The following PPP6R1 variants were observed in gnomAD, a reference collection of about 807,000 sequenced individuals.
PPP6R1 encodes serine/threonine-protein phosphatase 6 regulatory subunit 1.
A neutral mutation model predicts 104.6 loss-of-function variants in PPP6R1; 39 were observed. That is an observed-to-expected ratio of 0.37 (90% CI 0.29 to 0.49). The LOEUF (loss-of-function observed/expected upper bound fraction) is 0.49, where lower values mean the gene tolerates loss of function less well. Ranked by LOEUF, PPP6R1 falls within the 20% of genes least tolerant of loss-of-function variation. The pLI, the probability that PPP6R1 is intolerant of heterozygous loss-of-function variation, is 0.98. For synonymous variants in PPP6R1, 549 were observed against 479.0 expected (o/e 1.15, Z -1.91); for missense variants, 1,181 against 1,155.8 (o/e 1.02, Z -0.32).
In PPP6R1 at chr19:55,241,850, G is replaced by A. The variant is rs958781178; in HGVS notation, c.846-211C>T. Among the ~76,000 whole-genome samples the A allele has an allele frequency of 2.0e-5, 3 of 152,222 alleles. No individual in the cohort carries two copies. The highest frequency in any genetic ancestry group is 4.4e-5 in the Non-Finnish European group (3 of 68,030). ...CATTGGCAGTCCACTGTGAGAGCAC[G>A]GGTGAGGGGTGGAGGCGGGAAGGCA... is the stretch of plus-strand genomic sequence containing the variant. On this transcript the variant is annotated intron_variant, in intron 7 of 23. Transcript: ENST00000412770. The surrounding 1 kb of genome is among the most constrained non-coding windows in gnomAD (Gnocchi z 5.4).
Position 55,245,205 on chromosome 19 carries a change from G to A in PPP6R1, c.553-20C>T. 1 of 1,610,636 alleles carries A rather than the reference G, an allele frequency of 6.2e-7. No individual in the cohort carries two copies. The highest frequency in any genetic ancestry group is 1.3e-5 in the African/African-American group (1 of 74,998). On this transcript the variant is annotated intron_variant, in intron 4 of 23. Coordinates refer to ENST00000412770, the MANE Select transcript of PPP6R1 (RefSeq NM_014931.4). This position sits in a 1 kb window ranked among gnomAD's most constrained non-coding sequence, Gnocchi z 6.4. ...GAGCCACTGAGGGTGAGAAGGCGAG[G>A]GATGCATCGCTGTCCACCACGCCCA...
At chr19:55,252,989 G>A (rs987310308) in intron 1 of PPP6R1, among the ~76,000 whole-genome samples, 5 of 152,200 alleles carry the variant, frequency 3.3e-5, no homozygotes, top group African/African-American at 1.2e-4. Flanking sequence ...CAGAGCTGAT[G>A]AGATGCCGGC....
rs1316064146 is a variant in PPP6R1, at chr19:55,240,783, C to T, written c.1296+162G>A. 1.1e-4 allele frequency among the ~76,000 whole-genome samples: 17 copies of T among 152,312 alleles called. 1 individual carries two copies. The highest frequency in any genetic ancestry group is 9.8e-4 in the Admixed American group (15 of 15,308). ...TCCCTGCACCTGCATGTTTCATCCG[C>T]GTTTCTCCCTGGCCATGCCTCCCAC... On this transcript the variant is annotated intron_variant, in intron 10 of 23. Coordinates refer to ENST00000412770, the MANE Select transcript of PPP6R1 (RefSeq NM_014931.4).
In PPP6R1 at chr19:55,240,307, G is replaced by A. The variant is rs201898784; in HGVS notation, c.1297-7C>T. ...GGCGGCACTGCTGCAGCAGCTGCGG[G>A]AGAGCGGGACAGGATGGCCTGGAGG... is the stretch of plus-strand genomic sequence containing the variant. On this transcript the variant is annotated splice_polypyrimidine_tract_variant and splice_region_variant and intron_variant, in intron 10 of 23. Coordinates refer to ENST00000412770, the MANE Select transcript of PPP6R1 (RefSeq NM_014931.4). The A allele has an allele frequency of 2.9e-4, 455 of 1,586,596 alleles. No individual in the cohort carries two copies. The African/African-American group carries it at 4.3e-3, about 15-fold the overall frequency.
In PPP6R1 at chr19:55,236,923, T is replaced by G. The variant is rs377073853; in HGVS notation, c.1799A>C (p.Asp600Ala). 1 of 1,613,114 alleles carries G rather than the reference T, an allele frequency of 6.2e-7. No individual in the cohort carries two copies. Among genetic ancestry groups the G allele is most frequent in the Non-Finnish European group, 8.5e-7 (1 of 1,179,176 alleles). ...TANITFSLNA[D>A]DENPNANLLE... ...CAGGGCAGTACTCACGTTCTCATCG[T>G]CAGCATTGAGGGAGAAGGTGATGTT... Residue 600 changes from aspartate (D) to alanine (A), a missense_variant, in exon 16 of 24, where the codon GAC becomes GCC. Physicochemically the swap from Asp to Ala is moderately radical, Grantham distance 126. Transcript: ENST00000412770.
intron 15 of PPP6R1, among the ~76,000 whole-genome samples, chr19:55,237,734 C>CA (rs749672409): frequency 1.1e-4 from 16 of 152,222 alleles, no homozygotes; most frequent in Non-Finnish European, 1.8e-4. Flanking sequence ...CACTGAGAAG[C>CA]AGCGGAGCAG....
intron 7 of PPP6R1, 28 bp downstream of exon 7, chr19:55,242,138 T>C (rs1169768716): frequency 1.3e-6 from 2 of 1,594,828 alleles, no homozygotes; most frequent in South Asian, 1.1e-5. Flanking sequence ...ATGGGCAGCA[T>C]GCATGGTCTG....
chr19:55,239,941 G>A (rs373921614), intron 12 of PPP6R1, 30 bp from the exon 13 acceptor site: 3 of 1,613,012 alleles, frequency 1.9e-6, no homozygotes, highest in Non-Finnish European at 2.5e-6. Context: ...GAAGACGTGA[G>A]GCATCTCGGG....
At chr19:55,250,696 G>C (rs945172434) in intron 1 of PPP6R1, among the ~76,000 whole-genome samples, 6 of 152,116 alleles carry the variant, frequency 3.9e-5, no homozygotes, top group African/African-American at 1.4e-4. Flanking sequence ...AGAGGCCTGA[G>C]TTCTCCTCCA....
At chr19:55,247,340 G>A (rs1264423293) in intron 1 of PPP6R1, 13 of 559,766 alleles carry the variant, frequency 2.3e-5, no homozygotes, top group African/African-American at 1.1e-4. Context: ...AGTTGCCCTC[G>A]AGCCTGCCCC....
At position 55,232,163 on chromosome 19, in the gene PPP6R1, C is replaced by T. The variant is rs562155530; in HGVS notation, c.2037G>A (p.Glu679=). The change falls in exon 18 of 24, where the codon GAG becomes GAA. Residue 679 remains glutamate, a synonymous_variant. Transcript: ENST00000412770. ...DSEDEEEEDE[E]EEEDEEGIGC... The stretch of plus-strand genomic sequence containing the variant: ...CAATGCCCTCCTCGTCTTCCTCCTC[C>T]TCCTCGTCCTCCTCTTCTTCGTCCT... 1.7e-5 allele frequency: 26 copies of T among 1,570,874 alleles called. No homozygotes were observed. In the East Asian group the frequency reaches 4.9e-4, roughly 30 times the overall value.
At chr19:55,240,556 C>T (rs565027418) in intron 10 of PPP6R1, among the ~76,000 whole-genome samples, 92 of 148,042 alleles carry the variant, frequency 6.2e-4, no homozygotes, top group African/African-American at 7.5e-4. Flanking sequence ...CACACACACA[C>T]ATGCATGCAC....
At chr19:55,230,955 C>T in intron 21 of PPP6R1, 71 bp from the exon 22 acceptor site, 1 of 1,326,634 alleles carries the variant, frequency 7.5e-7, no homozygotes, top group Non-Finnish European at 1.1e-6. Flanking sequence ...TCACATCCCA[C>T]CCGACTGAAG....
chr19:55,231,765 T>C lies in PPP6R1; in HGVS notation c.2306+37A>G, dbSNP rs115182972. On this transcript the variant is annotated intron_variant, in intron 19 of 23. Transcript: ENST00000412770. ...CCATGGCCACCTCCTGGCCTCGGGATACCAGCACCATTTAGCCCGTTCCAT... is the reference window on the plus strand; with the variant it reads ...CCATGGCCACCTCCTGGCCTCGGGACACCAGCACCATTTAGCCCGTTCCAT... 3.2e-4 allele frequency: 478 copies of C among 1,492,880 alleles called. 3 individuals are homozygous for C. In the African/African-American group the frequency reaches 5.2e-3, roughly 16 times the overall value. The allele number at this position is 1,492,880 out of a possible 1,614,324, so 92.5% of individuals were successfully genotyped here. A position where few individuals can be genotyped will look rare whatever the true frequency, so the allele number is the denominator to read the frequency against.
intron 1 of PPP6R1, among the ~76,000 whole-genome samples, chr19:55,250,229 C>T (rs1173778506): frequency 2.0e-5 from 3 of 152,242 alleles, no homozygotes; most frequent in Admixed American, 6.5e-5. Context: ...CCTCCACCAA[C>T]TCTCACAACC....
chr19:55,248,635 C>A (rs534996145), intron 1 of PPP6R1, among the ~76,000 whole-genome samples: 1 of 152,324 alleles, frequency 6.6e-6, no homozygotes, highest in African/African-American at 2.4e-5. Flanking sequence ...TCTGCACAGG[C>A]CTCCACCATC....
At chr19:55,231,083 C>T in intron 21 of PPP6R1, 199 bp from the exon 22 acceptor site, 1 of 618,942 alleles carries the variant, frequency 1.6e-6, no homozygotes, top group South Asian at 1.9e-5. Flanking sequence ...CACCCCTCTT[C>T]CCGCCTCCTG....
intron 1 of PPP6R1, among the ~76,000 whole-genome samples, chr19:55,257,872 G>T (rs748691432): frequency 6.6e-6 from 1 of 152,112 alleles, no homozygotes; most frequent in Non-Finnish European, 1.5e-5. Flanking sequence ...ACTGAAGCAG[G>T]CCCGAGTGGT....
At chr19:55,252,895 A>C (rs2087564751) in intron 1 of PPP6R1, among the ~76,000 whole-genome samples, 2 of 152,110 alleles carry the variant, frequency 1.3e-5, no homozygotes, top group Non-Finnish European at 2.9e-5. Flanking sequence ...TTGGGGGAAA[A>C]AAAAAAACCT....
Sources: gnomAD v4.1 joint callset for allele counts (sites outside exome capture counted in the v4.1 genomes callset) on GRCh38, gnomAD v4.1.1 for gene constraint, Gnocchi (gnomAD v3.1) non-coding constraint, MANE v1.5 for transcripts, NCBI Gene and HGNC (gene_info 2026-07-23, HGNC 2026-07-21) for gene names.